NHEJ1: variants seen among roughly 807,000 people sequenced by gnomAD.
NHEJ1 encodes non-homologous end joining factor 1.
NHEJ1 carries 22 observed loss-of-function variants against 39.4 expected under a neutral mutation model. The ratio of observed to expected loss-of-function variants is 0.56; its 90% CI spans 0.40 to 0.80. The LOEUF (loss-of-function observed/expected upper bound fraction) is 0.80, where lower values mean the gene tolerates loss of function less well. Ranked by LOEUF, NHEJ1 falls within the 30% of genes least tolerant of loss-of-function variation. The pLI is 0.00. For synonymous variants in NHEJ1, 154 were observed against 135.6 expected, an observed-to-expected ratio of 1.14 and a Z score of -0.94; for missense variants, 329 against 357.1, an observed-to-expected ratio of 0.92 and a Z score of 0.63.
At position 219,069,861 on chromosome 2, in the gene NHEJ1, G is replaced by A. The variant is rs548174533; in HGVS notation, c.*6520C>T. ...TTGATTAAACCTCATGGTGTTCACA[G>A]ACTTGAGCTGCAAGTGAGAAAATCC... On this transcript the variant is annotated 3_prime_UTR_variant, in exon 8 of 8. Coordinates refer to ENST00000356853, the MANE Select transcript of NHEJ1 (RefSeq NM_024782.3). 2 of 152,348 alleles carry A rather than the reference G, an allele frequency of 1.3e-5. No homozygotes were observed. Among genetic ancestry groups the A allele is most frequent in the African/African-American group, 4.8e-5 (2 of 41,570 alleles). The allele number at this position is 152,348 out of a possible 1,614,324, so 9.4% of individuals were successfully genotyped here. A position where few individuals can be genotyped will look rare whatever the true frequency, so the allele number is the denominator to read the frequency against.
intron 3 of NHEJ1, among the ~76,000 whole-genome samples, chr2:219,154,940 AAT>A (rs1021492966): frequency 2.2e-4 from 33 of 147,202 alleles, no homozygotes; most frequent in African/African-American, 6.1e-4. Flanking sequence ...TATAACATAT[AAT>A]ATATGTTAAT....
In NHEJ1 at chr2:219,099,649, C is replaced by T. The variant is rs147101031; in HGVS notation, c.589-21443G>A. 7.9e-5 allele frequency among the ~76,000 whole-genome samples: 12 copies of T among 152,118 alleles called. No individual in the cohort carries two copies. In the East Asian group the frequency reaches 1.4e-3, roughly 17 times the overall value. On this transcript the variant is annotated intron_variant, in intron 5 of 7. Transcript: ENST00000356853. ...AAGAGGGAGGAGACATGGTCAGAAA[C>T]CAGCAATTAGAAATAAGGAAGACGT...
rs548169157 is a variant in NHEJ1 at position 219,152,080 on chromosome 2, T to G, written c.391-4285A>C. Among the ~76,000 whole-genome samples the G allele has an allele frequency of 2.6e-5, 4 of 152,326 alleles. 1 individual carries two copies. The South Asian group carries it at 8.3e-4, about 32-fold the overall frequency. On this transcript the variant is annotated intron_variant, in intron 3 of 7. Coordinates refer to ENST00000356853, the MANE Select transcript of NHEJ1 (RefSeq NM_024782.3). The stretch of plus-strand genomic sequence containing the variant: ...TGTCAGGGACACTCCCCGTAATTTA[T>G]AGACAGCAATATATGAAGATATACA...
chr2:219,107,648 T>A (rs555353033), intron 5 of NHEJ1, among the ~76,000 whole-genome samples: 40 of 152,032 alleles, frequency 2.6e-4, no homozygotes, highest in Non-Finnish European at 5.0e-4. Context: ...CCCACTTCTC[T>A]CTCTGTCTTC....
In NHEJ1 at chr2:219,069,360, G is replaced by A. The variant is rs1215765863; in HGVS notation, c.*7021C>T. 6.6e-6 allele frequency: 1 copy of A among 152,384 alleles called. No individual in the cohort carries two copies. The highest frequency in any genetic ancestry group is 1.9e-4 in the East Asian group (1 of 5,192). The allele number at this position is 152,384 out of a possible 1,614,324, so 9.4% of individuals were successfully genotyped here. On this transcript the variant is annotated 3_prime_UTR_variant, in exon 8 of 8. Coordinates refer to ENST00000356853, the MANE Select transcript of NHEJ1 (RefSeq NM_024782.3). ...TGACAAATGAAAATAGCAGAACTGT[G>A]CCAAACGAAACGATTTAATCTGTTC...
intron 5 of NHEJ1, among the ~76,000 whole-genome samples, chr2:219,117,923 T>A (rs538454440): frequency 2.0e-4 from 30 of 152,362 alleles, no homozygotes; most frequent in African/African-American, 7.2e-4. Flanking sequence ...TTTGGGATGT[T>A]AGACATCCTA....
chr2:219,135,147 C>T (rs1559199075), intron 5 of NHEJ1, among the ~76,000 whole-genome samples: 2 of 151,096 alleles, frequency 1.3e-5, no homozygotes, highest in Non-Finnish European at 1.5e-5. Context: ...AAAAAATAGG[C>T]TAAGGCATTG....
At chr2:219,109,671 G>A (rs1949345823) in intron 5 of NHEJ1, among the ~76,000 whole-genome samples, 1 of 152,166 alleles carries the variant, frequency 6.6e-6, no homozygotes, top group Non-Finnish European at 1.5e-5. Flanking sequence ...AAAGGGGAGG[G>A]GCAAGGAGGC....
At position 219,128,472 on chromosome 2, in the gene NHEJ1, G is replaced by C. The variant is rs377614003; in HGVS notation, c.588+18208C>G. On this transcript the variant is annotated intron_variant, in intron 5 of 7. Transcript: ENST00000356853. Reference sequence around the variant, plus strand: ...CTCTCTTCTTTTTTTCCCCCTTCTGGGTACAATAGATAGTGAATCTGCTAC... The same window carrying C: ...CTCTCTTCTTTTTTTCCCCCTTCTGCGTACAATAGATAGTGAATCTGCTAC... 1.7e-3 allele frequency among the ~76,000 whole-genome samples: 263 copies of C among 152,206 alleles called. 2 individuals carry two copies. Among genetic ancestry groups the C allele is most frequent in the African/African-American group, 5.9e-3 (247 of 41,524 alleles).
chr2:219,082,369 G>C (rs1949075076), intron 5 of NHEJ1, among the ~76,000 whole-genome samples: 3 of 152,308 alleles, frequency 2.0e-5, no homozygotes, highest in South Asian at 4.1e-4. Flanking sequence ...CCTCTTTAGA[G>C]GTAACTCTCA....
Position 219,070,686 on chromosome 2 carries a change from T to C in NHEJ1, c.*5695A>G, listed in dbSNP as rs906458207. Among the ~76,000 whole-genome samples the C allele has an allele frequency of 3.9e-5, 6 of 152,164 alleles. No individual in the cohort carries two copies. The highest frequency in any genetic ancestry group is 9.7e-5 in the African/African-American group (4 of 41,446). On this transcript the variant is annotated 3_prime_UTR_variant, in exon 8 of 8. Transcript: ENST00000356853. ...CAGACACTCAATCTTTTCTTTCTTT[T>C]TTTTTTTTAATTCAAAATACCATTG...
In NHEJ1 at chr2:219,077,337, G is replaced by A. The variant is rs1161306321; in HGVS notation, c.734C>T (p.Ser245Phe). 2 of 1,614,082 alleles carry A rather than the reference G, an allele frequency of 1.2e-6. No homozygotes were observed. Among genetic ancestry groups the A allele is most frequent in the African/African-American group, 1.3e-5 (1 of 75,028 alleles). ...ACATTGGCTATCGATTCCTTGCAGG[G>A]AAGCACTGTTTGAGGTATGAGGATC... Reference protein sequence around the residue: ...AGDPHTSNSASLQGIDSQCVN... With the variant: ...AGDPHTSNSAFLQGIDSQCVN... The change falls in exon 7 of 8, where the codon TCC (serine) becomes TTC (phenylalanine). Residue 245 changes from serine to phenylalanine, a missense_variant. Coordinates refer to ENST00000356853, the MANE Select transcript of NHEJ1 (RefSeq NM_024782.3).
intron 5 of NHEJ1, among the ~76,000 whole-genome samples, chr2:219,125,092 T>C (rs1421611114): frequency 6.7e-6 from 1 of 150,064 alleles, no homozygotes; most frequent in Non-Finnish European, 1.5e-5. Context: ...TTTGGGTTTC[T>C]TGGAATCAAT....
intron 5 of NHEJ1, among the ~76,000 whole-genome samples, chr2:219,104,447 GT>G (rs1949295870): frequency 6.6e-6 from 1 of 152,196 alleles, no homozygotes; most frequent in Non-Finnish European, 1.5e-5. Context: ...TCTACCCAGG[GT>G]GTTCCCTTAC....
intron 5 of NHEJ1, among the ~76,000 whole-genome samples, chr2:219,136,691 C>T (rs912079753): frequency 1.3e-4 from 20 of 152,162 alleles, no homozygotes; most frequent in Non-Finnish European, 2.5e-4. Flanking sequence ...CAACCTCTGC[C>T]TCCGAGATTC....
intron 3 of NHEJ1, 34 bp downstream of exon 3, chr2:219,157,438 C>G (rs772529594): frequency 1.9e-6 from 3 of 1,579,298 alleles, no homozygotes; most frequent in South Asian, 2.2e-5. Flanking sequence ...CAACTGGCAT[C>G]CCTCCCCCAA....
chr2:219,091,777 T>A (rs1949162007), intron 5 of NHEJ1, among the ~76,000 whole-genome samples: 1 of 152,184 alleles, frequency 6.6e-6, no homozygotes, highest in Non-Finnish European at 1.5e-5. Flanking sequence ...AAAGCTTCTT[T>A]AAATTTGTTA....
At chr2:219,103,593 C>A (rs971158992) in intron 5 of NHEJ1, among the ~76,000 whole-genome samples, 3 of 152,056 alleles carry the variant, frequency 2.0e-5, no homozygotes, top group Non-Finnish European at 2.9e-5. Flanking sequence ...TTTTTAAAAA[C>A]AAAATGACTG....
At position 219,146,682 on chromosome 2, in the gene NHEJ1, C is replaced by G. The variant is rs752030826; in HGVS notation, c.586G>C (p.Glu196Gln). The G allele has an allele frequency of 6.2e-7, 1 of 1,608,384 alleles. No homozygotes were observed. Among genetic ancestry groups the G allele is most frequent in the Non-Finnish European group, 8.5e-7 (1 of 1,174,714 alleles). The part of the protein sequence containing the change: ...ENSFLEQFMI[E>Q]KLPEACSIGD... ...CAAGAAAATGACAAATACCTTACCT[C>G]TATCATAAATTGTTCCAAGAAGGAA... The change falls in exon 5 of 8, where the codon GAG becomes CAG. Residue 196 changes from glutamate to glutamine, a missense_variant and splice_region_variant. By Grantham distance (29) the Glu-to-Gln change is conservative (BLOSUM62 2). Coordinates refer to ENST00000356853, the MANE Select transcript of NHEJ1 (RefSeq NM_024782.3).
Sources: gnomAD v4.1 joint callset for allele counts (sites outside exome capture counted in the v4.1 genomes callset) on GRCh38, gnomAD v4.1.1 for gene constraint, MANE v1.5 for transcripts, NCBI Gene and HGNC (gene_info 2026-07-23, HGNC 2026-07-21) for gene names.